The following KCTD16 variants were observed in gnomAD, a reference collection of about 807,000 sequenced individuals.
The protein encoded by KCTD16 is potassium channel tetramerization domain containing 16, also known as BTB/POZ domain-containing protein KCTD16.
A neutral mutation model predicts 33.2 loss-of-function variants in KCTD16; 13 were observed. The observed-to-expected ratio is 0.39, with a 90% CI of 0.25 to 0.62. The LOEUF is 0.62. Among genes scored for constraint, KCTD16 ranks in the 20% least tolerant of loss-of-function variants. KCTD16 has a pLI of 0.50. For missense variants in KCTD16, 441 were observed against 525.1 expected (o/e 0.84, Z 1.57); for synonymous variants, 197 against 195.3 (o/e 1.01, Z -0.07).
At chr5:144,290,734 T>C (rs938914046) in intron 3 of KCTD16, among the ~76,000 whole-genome samples, 1 of 152,218 alleles carries the variant, frequency 6.6e-6, no homozygotes, top group Non-Finnish European at 1.5e-5. Flanking sequence ...TTTCTCTTAA[T>C]GCCTGTCAAG....
At chr5:144,450,741 A>G (rs1331464097) in intron 3 of KCTD16, among the ~76,000 whole-genome samples, 1 of 152,138 alleles carries the variant, frequency 6.6e-6, no homozygotes, top group Non-Finnish European at 1.5e-5. Flanking sequence ...AGGTATCTAA[A>G]GTAGTCAAAT....
chr5:144,475,053 C>G lies in KCTD16; in HGVS notation c.*939C>G, dbSNP rs1346351863. 1.3e-5 allele frequency: 2 copies of G among 152,122 alleles called. No homozygotes were observed. Among genetic ancestry groups the G allele is most frequent in the East Asian group, 3.9e-4 (2 of 5,190 alleles). 9.4% of individuals were successfully genotyped at this position (152,122 alleles called of 1,614,324 possible). A position where few individuals can be genotyped will look rare whatever the true frequency, so the allele number is the denominator to read the frequency against. ...TCTCTACCCTGAACTGAATTATCAC[C>G]CTTTTCTCCATGTTTTCAGAGTTCT... On this transcript the variant is annotated 3_prime_UTR_variant, in exon 4 of 4. Transcript: ENST00000512467.
At chr5:144,246,768 A>C (rs1203836442) in intron 3 of KCTD16, among the ~76,000 whole-genome samples, 1 of 152,024 alleles carries the variant, frequency 6.6e-6, no homozygotes, top group East Asian at 1.9e-4. Flanking sequence ...CATCATTGTC[A>C]TCGTCCTTGT....
intron 3 of KCTD16, among the ~76,000 whole-genome samples, chr5:144,273,039 C>T (rs1755343804): frequency 6.6e-6 from 1 of 151,730 alleles, no homozygotes; most frequent in Admixed American, 6.6e-5. Context: ...TAAAGGTAAC[C>T]CACAAGATAG....
In KCTD16 at chr5:144,276,368, T is replaced by C. The variant is rs528925573; in HGVS notation, c.832+68822T>C. Among the ~76,000 whole-genome samples, 29 of 152,320 alleles carry C rather than the reference T, an allele frequency of 1.9e-4. No homozygotes were observed. In the East Asian group the frequency reaches 4.6e-3, roughly 24 times the overall value. ...TTATATTCACAGTTTATTCAGCCAG[T>C]CCCTGAAGGGTAGACATTCAGATTA... On this transcript the variant is annotated intron_variant, in intron 3 of 3. Transcript: ENST00000512467.
chr5:144,263,052 C>T (rs1007708968), intron 3 of KCTD16, among the ~76,000 whole-genome samples: 2 of 152,178 alleles, frequency 1.3e-5, no homozygotes, highest in Non-Finnish European at 2.9e-5. Flanking sequence ...AAAATGGGTG[C>T]TATTAATGAT....
Position 144,267,832 on chromosome 5 carries a change from G to C in KCTD16, c.832+60286G>C, listed in dbSNP as rs922319360. ...TTTACAGATATCACTTTATACAAAAGCACCATTTGCAAAATAAACTCATCT... is the reference window on the plus strand; with the variant it reads ...TTTACAGATATCACTTTATACAAAACCACCATTTGCAAAATAAACTCATCT... On this transcript the variant is annotated intron_variant, in intron 3 of 3. Coordinates refer to ENST00000512467, the MANE Select transcript of KCTD16 (RefSeq NM_020768.4). 3.4e-5 allele frequency among the ~76,000 whole-genome samples: 5 copies of C among 149,084 alleles called. No homozygotes were observed. The East Asian group carries it at 9.6e-4, about 29-fold the overall frequency.
intron 3 of KCTD16, among the ~76,000 whole-genome samples, chr5:144,275,491 C>G (rs1286567680): frequency 1.3e-5 from 2 of 152,114 alleles, no homozygotes; most frequent in African/African-American, 4.8e-5. Flanking sequence ...GAGATTTCTC[C>G]CCTTTCTCCC....
chr5:144,386,881 C>A (rs528068866), intron 3 of KCTD16, among the ~76,000 whole-genome samples: 31 of 152,178 alleles, frequency 2.0e-4, no homozygotes, highest in Non-Finnish European at 4.6e-4. Flanking sequence ...ACTTGGTAAG[C>A]TTTAAAGTGG....
intron 3 of KCTD16, among the ~76,000 whole-genome samples, chr5:144,287,173 A>G (rs965339838): frequency 6.6e-5 from 10 of 152,212 alleles, no homozygotes; most frequent in Admixed American, 5.2e-4. Flanking sequence ...CTAGATTGCC[A>G]TCGGTCTGTG....
chr5:144,221,241 T>C (rs1443709258), intron 3 of KCTD16, among the ~76,000 whole-genome samples: 1 of 152,154 alleles, frequency 6.6e-6, no homozygotes, highest in Admixed American at 6.5e-5. Flanking sequence ...GGATGCGTAA[T>C]GAAGAAGAGA....
At chr5:144,460,982 G>A (rs563321756) in intron 3 of KCTD16, among the ~76,000 whole-genome samples, 56 of 152,210 alleles carry the variant, frequency 3.7e-4, no homozygotes, top group Non-Finnish European at 6.2e-4. Flanking sequence ...AGAATGAAAG[G>A]AACATAACCT....
intron 3 of KCTD16, among the ~76,000 whole-genome samples, chr5:144,220,958 A>G (rs1041497157): frequency 2.0e-5 from 3 of 151,888 alleles, no homozygotes; most frequent in Non-Finnish European, 4.4e-5. Flanking sequence ...AAAAAGAAGA[A>G]GAAATGAGTG....
chr5:144,233,638 G>A (rs1332834050), intron 3 of KCTD16, among the ~76,000 whole-genome samples: 1 of 152,124 alleles, frequency 6.6e-6, no homozygotes, highest in Non-Finnish European at 1.5e-5. Context: ...CCAAAAGACT[G>A]TGCTATTACA....
In KCTD16 at chr5:144,317,373, T is replaced by C. The variant is rs561104446; in HGVS notation, c.832+109827T>C. ...AATAGCAGTATTTCTCAAAGTGTGG[T>C]CTATATACCACCTGCTATCGGAAAT... On this transcript the variant is annotated intron_variant, in intron 3 of 3. Coordinates refer to ENST00000512467, the MANE Select transcript of KCTD16 (RefSeq NM_020768.4). Among the ~76,000 whole-genome samples the C allele has an allele frequency of 4.1e-4, 63 of 152,284 alleles. No individual in the cohort carries two copies. In the South Asian group the frequency reaches 0.012, roughly 30 times the overall value.
At chr5:144,249,534 G>A (rs1754639280) in intron 3 of KCTD16, among the ~76,000 whole-genome samples, 1 of 152,030 alleles carries the variant, frequency 6.6e-6, no homozygotes, top group African/African-American at 2.4e-5. Context: ...AGTTAACGGG[G>A]GTAGGAAGGA....
chr5:144,207,382 C>T lies in KCTD16; in HGVS notation c.668C>T (p.Thr223Ile). The change falls in exon 3 of 4, where the codon ACC becomes ATC. Residue 223 changes from threonine (T) to isoleucine (I), a missense_variant. By Grantham distance (89) the Thr-to-Ile change is moderately conservative. Transcript: ENST00000512467. ...CCTGATCGAGCCCCAGAAAGATACACCTCCAGATTTTATCTCAAATTCAAG... is the reference window on the plus strand; with the variant it reads ...CCTGATCGAGCCCCAGAAAGATACATCTCCAGATTTTATCTCAAATTCAAG... ...RDPDRAPERYTSRFYLKFKHL... is the reference protein window; with the variant it reads ...RDPDRAPERYISRFYLKFKHL... 1 of 1,614,188 alleles carries T rather than the reference C, an allele frequency of 6.2e-7. No individual in the cohort carries two copies. Among genetic ancestry groups the T allele is most frequent in the Non-Finnish European group, 8.5e-7 (1 of 1,180,038 alleles).
intron 3 of KCTD16, among the ~76,000 whole-genome samples, chr5:144,288,661 A>C (rs1188085328): frequency 6.6e-6 from 1 of 152,170 alleles, no homozygotes; most frequent in Non-Finnish European, 1.5e-5. Context: ...AGTAAGTTAC[A>C]TTAGGTCTCT....
chr5:144,464,078 A>C lies in KCTD16; in HGVS notation c.833-9582A>C, dbSNP rs551805456. On this transcript the variant is annotated intron_variant, in intron 3 of 3. Transcript: ENST00000512467. Reference sequence around the variant, plus strand: ...ATGAGGTGTTCTTTCCATTTCGTGAAAAGTGAAATGACAGCTCAATTTCCT... The same window carrying C: ...ATGAGGTGTTCTTTCCATTTCGTGACAAGTGAAATGACAGCTCAATTTCCT... Among the ~76,000 whole-genome samples, 7 of 152,332 alleles carry C rather than the reference A, an allele frequency of 4.6e-5. No homozygotes were observed. The South Asian group carries it at 1.5e-3, about 32-fold the overall frequency.
Sources: allele counts gnomAD v4.1 joint callset (sites outside exome capture counted in the v4.1 genomes callset), GRCh38; gene constraint gnomAD v4.1.1; transcripts MANE v1.5; gene names NCBI Gene and HGNC (gene_info 2026-07-23, HGNC 2026-07-21).